WDR74: variants seen among roughly 807,000 people sequenced by gnomAD.
WDR74 encodes WD repeat-containing protein 74.
Under a neutral mutation model 45.6 loss-of-function variants are expected in WDR74, and 31 were observed. The observed-to-expected ratio is 0.68, with a 90% confidence interval of 0.51 to 0.92. WDR74 has a LOEUF of 0.92. Ranked by LOEUF, WDR74 falls within the 40% of genes least tolerant of loss-of-function variation. WDR74 has a pLI of 0.00. For missense variants in WDR74, 455 were observed against 497.2 expected, an observed-to-expected ratio of 0.92 and a Z score of 0.81; for synonymous variants, 191 against 192.4, an observed-to-expected ratio of 0.99 and a Z score of 0.06.
upstream of WDR74, chr11:62,841,640 A>C (rs77529190): frequency 6.6e-6 from 1 of 152,360 alleles, no homozygotes; most frequent in African/African-American, 2.4e-5. Context: ...CGTTCCTGGA[A>C]GTACTGCAAT....
At position 62,839,206 on chromosome 11, in the gene WDR74, C is replaced by T. The variant is rs536299172; in HGVS notation, c.201G>A (p.Val67=). 36 of 1,613,718 alleles carry T rather than the reference C, an allele frequency of 2.2e-5. No individual in the cohort carries two copies. In the South Asian group the frequency reaches 3.3e-4, roughly 15 times the overall value. Residue 67 remains valine, a synonymous_variant, in exon 3 of 11, where the codon GTG becomes GTA. Transcript: ENST00000278856. ...TGCCATCCTCGGTGCTGAAGTGCTT[C>T]ACCGTCCTGTCCGCGCAGCCCACCA... ...QMLVGCADRT[V]KHFSTEDGIF...
At chr11:62,835,618 C>G (rs766869263) in intron 5 of WDR74, 77 bp downstream of exon 5, 1 of 1,613,632 alleles carries the variant, frequency 6.2e-7, no homozygotes, top group African/African-American at 1.3e-5. Flanking sequence ...CTAAGTCCAT[C>G]TAGTCTCTAA....
chr11:62,835,386 G>A lies in WDR74; in HGVS notation c.618+45C>T, dbSNP rs759500875. 38 of 1,569,212 alleles carry A rather than the reference G, an allele frequency of 2.4e-5. No individual in the cohort carries two copies. In the East Asian group the frequency reaches 5.6e-4, roughly 23 times the overall value. ...AACCGTGGGGGCCATTTCTCCAGGAGGCTGCTTTATCCCAGGAGAAGGCAG... is the reference window on the plus strand; with the variant it reads ...AACCGTGGGGGCCATTTCTCCAGGAAGCTGCTTTATCCCAGGAGAAGGCAG... On this transcript the variant is annotated intron_variant, in intron 6 of 10. Coordinates refer to ENST00000278856, the MANE Select transcript of WDR74 (RefSeq NM_001369450.1).
chr11:62,835,022 C>T, intron 6 of WDR74: 1 of 222,706 alleles, frequency 4.5e-6, no homozygotes, highest in South Asian at 8.1e-5. Context: ...ATAAAGATTC[C>T]CCATTCGGGC....
chr11:62,834,355 T>A (rs1485939255), intron 7 of WDR74, 24 bp from the exon 8 acceptor site: 1 of 1,613,586 alleles, frequency 6.2e-7, no homozygotes, highest in Non-Finnish European at 8.5e-7. Flanking sequence ...CAGAGGCAAG[T>A]GGGATCAGCA....
chr11:62,840,535 C>T (rs2085031072), upstream of WDR74, among the ~76,000 whole-genome samples: 1 of 151,768 alleles, frequency 6.6e-6, no homozygotes, highest in Admixed American at 6.6e-5. Flanking sequence ...ATGAGAAACG[C>T]AGAGAAAGTC....
upstream of WDR74, chr11:62,839,626 C>A (rs2085018850): frequency 2.6e-6 from 4 of 1,551,182 alleles, no homozygotes; most frequent in Middle Eastern, 1.7e-4. Context: ...GCGTCACCAG[C>A]GGGCGTCGAG....
chr11:62,834,420 C>G lies in WDR74; in HGVS notation c.719+7G>C. ...ACCCTCCCACCCCTTCCCCTCTAAACACTCACTTGCCTCCCGGAGTGAGGG... is the reference window on the plus strand; with the variant it reads ...ACCCTCCCACCCCTTCCCCTCTAAAGACTCACTTGCCTCCCGGAGTGAGGG... On this transcript the variant is annotated splice_region_variant and intron_variant, in intron 7 of 10. Coordinates refer to ENST00000278856, the MANE Select transcript of WDR74 (RefSeq NM_001369450.1). The G allele has an allele frequency of 1.6e-6, 1 of 617,906 alleles. No individual in the cohort carries two copies. Among genetic ancestry groups the G allele is most frequent in the Non-Finnish European group, 2.7e-6 (1 of 367,104 alleles). The allele number at this position is 617,906 out of a possible 1,614,324, so 38.3% of individuals were successfully genotyped here.
Position 62,832,982 on chromosome 11 carries a change from C to T in WDR74, c.1128G>A (p.Lys376=). 6.2e-7 allele frequency: 1 copy of T among 1,607,078 alleles called. No homozygotes were observed. The highest frequency in any genetic ancestry group is 8.5e-7 in the Non-Finnish European group (1 of 1,177,322). The change falls in exon 11 of 11, where the codon AAG becomes AAA. Residue 376 remains lysine (K), a synonymous_variant. Coordinates refer to ENST00000278856, the MANE Select transcript of WDR74 (RefSeq NM_001369450.1). The part of the protein sequence containing the change: ...PQGALQTRRR[K]KKRPGSTSP ...GGCTGGTGGACCCAGGCCGCTTCTT[C>T]TTTCTCCGTCTCGTTTGGAGAGCTC... is the stretch of plus-strand genomic sequence containing the variant.
chr11:62,834,290 A>G lies in WDR74; in HGVS notation c.761T>C (p.Ile254Thr), dbSNP rs1319295043. 5.6e-6 allele frequency: 9 copies of G among 1,613,806 alleles called. No homozygotes were observed. Among genetic ancestry groups the G allele is most frequent in the East Asian group, 2.2e-5 (1 of 44,864 alleles). Residue 254 changes from isoleucine (I) to threonine (T), a missense_variant, in exon 8 of 11, where the codon ATT becomes ACT. Transcript: ENST00000278856. ...AGTCCACTCACCTTGCCGAAGGTCA[A>G]TTTCTGCCAGCTGCCCATGAGTGTT... is the stretch of plus-strand genomic sequence containing the variant. ...VGNTHGQLAE[I>T]DLRQGRLLGC...
chr11:62,838,953 G>T (rs2085001751), intron 3 of WDR74, among the ~76,000 whole-genome samples, 161 bp downstream of exon 3: 5 of 152,264 alleles, frequency 3.3e-5, no homozygotes, highest in Admixed American at 3.3e-4. Context: ...TTCAATAAAT[G>T]TGTGTTACAG....
At chr11:62,841,586 T>C (rs1565225648), upstream of WDR74, 1 of 152,148 alleles carries the variant, frequency 6.6e-6, no homozygotes, top group Admixed American at 6.5e-5. Context: ...GATCGAAATC[T>C]TCCATTAAAC....
intron 8 of WDR74, 58 bp from the exon 9 acceptor site, chr11:62,833,995 G>A: frequency 6.3e-7 from 1 of 1,596,108 alleles, no homozygotes; most frequent in South Asian, 1.1e-5. Flanking sequence ...ACCATTCATT[G>A]TTTCCTGTTC....
At chr11:62,836,168 C>A in intron 3 of WDR74, 132 bp from the exon 4 acceptor site, 1 of 911,738 alleles carries the variant, frequency 1.1e-6, no homozygotes, top group Non-Finnish European at 1.7e-6. Flanking sequence ...CTCTAGGCCC[C>A]AAACTCATAT....
rs1205557229 is a variant in WDR74 at position 62,839,336 on chromosome 11, C to G, written c.157G>C (p.Gly53Arg). 6.2e-7 allele frequency: 1 copy of G among 1,611,058 alleles called. No individual in the cohort carries two copies. Among genetic ancestry groups the G allele is most frequent in the South Asian group, 1.1e-5 (1 of 91,052 alleles). ...EAVSALCWGTGGETQMLVGCA... is the reference protein window; with the variant it reads ...EAVSALCWGTRGETQMLVGCA... ...GGGCCACTCACCTGGGTCTCGCCGC[C>G]GGTGCCCCAACACAGGGCGCTCACT... Residue 53 changes from glycine to arginine, a missense_variant, in exon 2 of 11, where the codon GGC becomes CGC. Transcript: ENST00000278856.
rs1425808443 is a variant in WDR74, at chr11:62,834,529, T to C, written c.619-2A>G. 5 of 1,605,112 alleles carry C rather than the reference T, an allele frequency of 3.1e-6. No individual in the cohort carries two copies. The highest frequency in any genetic ancestry group is 4.2e-6 in the Non-Finnish European group (5 of 1,178,892). ...GGATGCTGGATCATAAACACGGACC[T>C]AGAGGAAGGCTGAAGCATCACAAAA... On this transcript the variant is annotated splice_acceptor_variant, in intron 6 of 10. Coordinates refer to ENST00000278856, the MANE Select transcript of WDR74 (RefSeq NM_001369450.1). LOFTEE classifies it high-confidence loss of function.
chr11:62,833,190 G>A (rs891586044), intron 10 of WDR74, 59 bp from the exon 11 acceptor site: 100 of 1,498,948 alleles, frequency 6.7e-5, no homozygotes, highest in Non-Finnish European at 8.5e-5. Flanking sequence ...GCTCCCACCT[G>A]TAATCTCAGC....
chr11:62,839,125 G>A lies in WDR74; in HGVS notation c.282C>T (p.Ala94=). 1 of 1,613,364 alleles carries A rather than the reference G, an allele frequency of 6.2e-7. No individual in the cohort carries two copies. The highest frequency in any genetic ancestry group is 8.5e-7 in the Non-Finnish European group (1 of 1,179,882). The change falls in exon 3 of 11, where the codon GCC becomes GCT. Residue 94 remains alanine, a synonymous_variant. Coordinates refer to ENST00000278856, the MANE Select transcript of WDR74 (RefSeq NM_001369450.1). ...GGGATTGGTCTTACCCGTCGGCCTGGGCGAGGCCACGGAACATGCCCTCCC... is the reference window on the plus strand; with the variant it reads ...GGGATTGGTCTTACCCGTCGGCCTGAGCGAGGCCACGGAACATGCCCTCCC... ...PGGEGMFRGL[A]QADGTLITCV...
At chr11:62,839,781 G>C, upstream of WDR74, 1 of 645,726 alleles carries the variant, frequency 1.5e-6, no homozygotes, top group Non-Finnish European at 2.6e-6. Context: ...GCACTTGGGG[G>C]TGAAAAGCAC....
Sources: gnomAD v4.1 joint callset for allele counts (sites outside exome capture counted in the v4.1 genomes callset) on GRCh38, gnomAD v4.1.1 for gene constraint, MANE v1.5 for transcripts, NCBI Gene and HGNC (gene_info 2026-07-23, HGNC 2026-07-21) for gene names.